Variants in MYO1B observed in about 807,000 individuals in gnomAD.
MYO1B encodes the protein myosin IB, also known as unconventional myosin-Ib.
Under a neutral mutation model 159.7 loss-of-function variants are expected in MYO1B, and 72 were observed. The ratio of observed to expected loss-of-function variants is 0.45; its 90% CI spans 0.37 to 0.55. The LOEUF (loss-of-function observed/expected upper bound fraction) is 0.55. Ranked by LOEUF, MYO1B falls within the 20% of genes least tolerant of loss-of-function variation. The pLI is 0.00. For synonymous variants in MYO1B, 468 were observed against 473.8 expected, an observed-to-expected ratio of 0.99 and a Z score of 0.16; for missense variants, 1,062 against 1,364.8, an observed-to-expected ratio of 0.78 and a Z score of 3.50.
chr2:191,416,205 C>T lies in MYO1B; in HGVS notation c.3250C>T (p.Gln1084Ter), dbSNP rs1490963311. 1 of 1,614,166 alleles carries T rather than the reference C, an allele frequency of 6.2e-7. No individual in the cohort carries two copies. Among genetic ancestry groups the T allele is most frequent in the Non-Finnish European group, 8.5e-7 (1 of 1,180,036 alleles). Residue 1084 changes from glutamine (Q) to a stop codon, truncating the protein, a stop_gained, in exon 30 of 31, where the codon CAA (glutamine) becomes TAA (stop). Transcript: ENST00000392318. LOFTEE classifies it high-confidence loss of function. Reference sequence around the variant, plus strand: ...CAAGCTCTATCGCACAACTCTCAGCCAAACCAAACAGAAGCTCAATATTGA... The same window carrying T: ...CAAGCTCTATCGCACAACTCTCAGCTAAACCAAACAGAAGCTCAATATTGA... Reference protein sequence around the residue: ...ATKLYRTTLSQTKQKLNIEIS... With the variant: ...ATKLYRTTLS
intron 3 of MYO1B, among the ~76,000 whole-genome samples, chr2:191,296,933 C>T (rs571182970): frequency 4.6e-5 from 7 of 152,222 alleles, no homozygotes; most frequent in Middle Eastern, 3.4e-3. Flanking sequence ...TTGGTAGATC[C>T]GTGGTAGAAC....
intron 1 of MYO1B, among the ~76,000 whole-genome samples, chr2:191,262,499 T>C (rs1481272044): frequency 1.3e-5 from 2 of 152,190 alleles, no homozygotes; most frequent in Non-Finnish European, 2.9e-5. Flanking sequence ...TGACCTCAGT[T>C]TTATCTTCCA....
rs1167560720 is a variant in MYO1B at position 191,288,770 on chromosome 2, G to A, written c.136-7341G>A. ...GCCTTGTGATGGGTTATTCTTACCTGAATCCTGGCCCATCCTGGATTTGAA... is the reference window on the plus strand; with the variant it reads ...GCCTTGTGATGGGTTATTCTTACCTAAATCCTGGCCCATCCTGGATTTGAA... On this transcript the variant is annotated intron_variant, in intron 2 of 30. Transcript: ENST00000392318. Among the ~76,000 whole-genome samples the A allele has an allele frequency of 2.0e-5, 3 of 152,196 alleles. No homozygotes were observed. In the East Asian group the frequency reaches 5.8e-4, roughly 29 times the overall value.
chr2:191,275,861 C>T (rs1687720735), intron 1 of MYO1B, among the ~76,000 whole-genome samples: 1 of 152,162 alleles, frequency 6.6e-6, no homozygotes, highest in Admixed American at 6.5e-5. Flanking sequence ...CACATGTGTG[C>T]ATACACACAT....
rs186176294 is a variant in MYO1B, at chr2:191,317,230, C to T, written c.252-12705C>T. ...GCAGATTGTAGGCACTGGATACATCCGCTATAGAACTCAAGAAGGAAATGA... is the reference window on the plus strand; with the variant it reads ...GCAGATTGTAGGCACTGGATACATCTGCTATAGAACTCAAGAAGGAAATGA... On this transcript the variant is annotated intron_variant, in intron 3 of 30. Transcript: ENST00000392318. Among the ~76,000 whole-genome samples, 92 of 152,060 alleles carry T rather than the reference C, an allele frequency of 6.1e-4. 1 individual carries two copies. The highest frequency in any genetic ancestry group is 3.4e-3 in the Middle Eastern group (1 of 294).
intron 1 of MYO1B, among the ~76,000 whole-genome samples, chr2:191,259,052 C>T (rs764881476): frequency 6.6e-6 from 1 of 152,206 alleles, no homozygotes; most frequent in Non-Finnish European, 1.5e-5. Flanking sequence ...ACTTCACCTA[C>T]TCTGTGATTT....
chr2:191,273,072 G>T (rs531911796), intron 1 of MYO1B, among the ~76,000 whole-genome samples: 4 of 152,256 alleles, frequency 2.6e-5, no homozygotes, highest in Non-Finnish European at 4.4e-5. Flanking sequence ...CCAGAGGTTT[G>T]GGATGTCATC....
chr2:191,396,358 C>A, intron 20 of MYO1B, 71 bp from the exon 21 acceptor site: 1 of 1,503,472 alleles, frequency 6.7e-7, no homozygotes, highest in South Asian at 1.1e-5. Context: ...GAGCAAATAC[C>A]CTTTCTCAAT....
At chr2:191,313,664 G>A (rs1291601800) in intron 3 of MYO1B, among the ~76,000 whole-genome samples, 5 of 152,170 alleles carry the variant, frequency 3.3e-5, no homozygotes, top group Admixed American at 6.5e-5. Context: ...GATTACAGGC[G>A]TGAGCCACTG....
At chr2:191,263,813 CTGCTGTATCCTGTAGAATATT>C (rs1221980658) in intron 1 of MYO1B, 1 of 152,142 alleles carries the variant, frequency 6.6e-6, no homozygotes, top group Non-Finnish European at 1.5e-5. Flanking sequence ...TATGAAGTAA[CTGCTGTATCCTGTAGAATATT>C]TGGAAATTAG....
At chr2:191,403,810 A>G (rs1015751579) in intron 24 of MYO1B, among the ~76,000 whole-genome samples, 4 of 152,216 alleles carry the variant, frequency 2.6e-5, no homozygotes, top group Non-Finnish European at 5.9e-5. Flanking sequence ...AACAAGCTCT[A>G]TAACCGGTTT....
intron 1 of MYO1B, among the ~76,000 whole-genome samples, chr2:191,256,946 ATT>A (rs34462525): frequency 2.7e-5 from 4 of 150,932 alleles, no homozygotes; most frequent in South Asian, 2.1e-4. Flanking sequence ...TTTTCTGTGA[ATT>A]TTTTTTTTAA....
At chr2:191,371,566 T>C (rs2126041951) in intron 13 of MYO1B, among the ~76,000 whole-genome samples, 1 of 152,292 alleles carries the variant, frequency 6.6e-6, no homozygotes, top group East Asian at 1.9e-4. Context: ...CTCCCCAGGG[T>C]TATACAGCTA....
At chr2:191,287,631 A>G (rs1364144240) in intron 2 of MYO1B, among the ~76,000 whole-genome samples, 1 of 152,220 alleles carries the variant, frequency 6.6e-6, no homozygotes, top group Non-Finnish European at 1.5e-5. Context: ...TGGAGCCAAG[A>G]CTTACACAAT....
At chr2:191,360,340 GTCA>G (rs1427604216) in intron 7 of MYO1B, among the ~76,000 whole-genome samples, 1 of 152,102 alleles carries the variant, frequency 6.6e-6, no homozygotes, top group African/African-American at 2.4e-5. Flanking sequence ...GGAATTTAAT[GTCA>G]TCATAAAAAA....
chr2:191,254,161 C>A (rs1017512562), intron 1 of MYO1B, among the ~76,000 whole-genome samples: 2 of 152,178 alleles, frequency 1.3e-5, no homozygotes, highest in Non-Finnish European at 2.9e-5. Flanking sequence ...TCCAATACAG[C>A]ATAAAATAAC....
chr2:191,388,643 TA>T (rs200840607), intron 17 of MYO1B, among the ~76,000 whole-genome samples: 1 of 151,454 alleles, frequency 6.6e-6, no homozygotes, highest in Admixed American at 6.6e-5. Context: ...GATCCTAGTT[TA>T]AAAAAAAACC....
intron 8 of MYO1B, 70 bp downstream of exon 8, chr2:191,360,799 G>A (rs902461901): frequency 2.8e-5 from 30 of 1,054,848 alleles, no homozygotes; most frequent in Non-Finnish European, 4.1e-5. Flanking sequence ...GGAGCTGGGA[G>A]TCTCACTGTG....
chr2:191,409,324 C>G, intron 26 of MYO1B, 146 bp downstream of exon 26: 1 of 932,270 alleles, frequency 1.1e-6, no homozygotes, highest in South Asian at 1.7e-5. Flanking sequence ...CCCCATGCAC[C>G]ATATTGAGTT....
Sources: gnomAD v4.1 joint callset for allele counts (sites outside exome capture counted in the v4.1 genomes callset) on GRCh38, gnomAD v4.1.1 for gene constraint, MANE v1.5 for transcripts, NCBI Gene and HGNC (gene_info 2026-07-23, HGNC 2026-07-21) for gene names.